The following RSF1 variants were observed in gnomAD, a reference collection of about 807,000 sequenced individuals.
RSF1 encodes remodeling and spacing factor 1.
A neutral mutation model predicts 145.2 loss-of-function variants in RSF1; 13 were observed. That is an observed-to-expected ratio of 0.09 (90% CI 0.06 to 0.14). RSF1 has a LOEUF of 0.14. Ranked by LOEUF, RSF1 falls within the 10% of genes least tolerant of loss-of-function variation. RSF1 has a pLI of 1.00. For missense variants in RSF1, 1,517 were observed against 1,718.2 expected, an observed-to-expected ratio of 0.88 and a Z score of 2.07; for synonymous variants, 577 against 592.6, an observed-to-expected ratio of 0.97 and a Z score of 0.38.
chr11:77,789,319 G>A (rs1352306486), intron 1 of RSF1, among the ~76,000 whole-genome samples: 2 of 152,174 alleles, frequency 1.3e-5, no homozygotes, highest in Non-Finnish European at 2.9e-5. Flanking sequence ...CTTGTCCTGG[G>A]TTCCACAGAT....
intron 1 of RSF1, among the ~76,000 whole-genome samples, chr11:77,792,737 G>GAA (rs35297116): frequency 9.2e-5 from 12 of 129,924 alleles, no homozygotes; most frequent in Non-Finnish European, 8.2e-5. Context: ...TCAAAGGTCT[G>GAA]AAAAAAAAAA....
At chr11:77,808,258 C>T (rs1382383132) in intron 1 of RSF1, among the ~76,000 whole-genome samples, 1 of 151,824 alleles carries the variant, frequency 6.6e-6, no homozygotes, top group Non-Finnish European at 1.5e-5. Context: ...CACTTGAACC[C>T]AAGGTGGAGG....
intron 1 of RSF1, among the ~76,000 whole-genome samples, chr11:77,812,692 A>G (rs1414090764): frequency 6.6e-6 from 1 of 152,140 alleles, no homozygotes; most frequent in Non-Finnish European, 1.5e-5. Flanking sequence ...TTTTGAGACC[A>G]GCCTGGCCAA....
chr11:77,767,741 T>C lies in RSF1; in HGVS notation c.188-3052A>G, dbSNP rs185657239. Among the ~76,000 whole-genome samples the C allele has an allele frequency of 2.9e-3, 446 of 152,352 alleles. 2 individuals are homozygous for C. The highest frequency in any genetic ancestry group is 0.01 in the African/African-American group (428 of 41,584). Reference sequence around the variant, plus strand: ...ACCTTTTTGTCCCTGGAACACCCACTGTATTCATACTGTCTGTATCACTCA... The same window carrying C: ...ACCTTTTTGTCCCTGGAACACCCACCGTATTCATACTGTCTGTATCACTCA... On this transcript the variant is annotated intron_variant, in intron 1 of 15. Coordinates refer to ENST00000308488, the MANE Select transcript of RSF1 (RefSeq NM_016578.4).
chr11:77,671,160 TATATA>T (rs1565142940), intron 15 of RSF1, among the ~76,000 whole-genome samples: 2 of 79,842 alleles, frequency 2.5e-5, no homozygotes, highest in African/African-American at 1.4e-4. Flanking sequence ...TATATATATA[TATATA>T]TATATATATA....
Position 77,700,793 on chromosome 11 carries a change from T to C in RSF1, c.2436A>G (p.Thr812=), listed in dbSNP as rs143967560. Residue 812 remains threonine (T), a synonymous_variant, in exon 6 of 16, where the codon ACA becomes ACG. Transcript: ENST00000308488. ...EGEDEVEEES[T]ALQKTDKKEI... ...CCTTTTTGTCAGTTTTTTGCAAAGC[T>C]GTTGACTCTTCTTCCACCTCATCTT... 48 of 1,609,764 alleles carry C rather than the reference T, an allele frequency of 3.0e-5. No individual in the cohort carries two copies. The East Asian group carries it at 1.0e-3, about 34-fold the overall frequency.
the RSF1 span, among the ~76,000 whole-genome samples, chr11:77,853,948 TAAAC>T: frequency 1.3e-5 from 2 of 149,716 alleles, no homozygotes; most frequent in African/African-American, 2.5e-5. Flanking sequence ...CTCAAAAAAA[TAAAC>T]AAATAAATAC....
Position 77,667,248 on chromosome 11 carries a change from G to A in RSF1, c.3995C>T (p.Ser1332Leu). ...GGGCTTCTTGGTGCTCTCTTGTTCT[G>A]AGGGCAGGACCCTAGGCTGGCTGTC... ...ARDSQPRVLP[S>L]EQESTKKPYR... Residue 1332 changes from serine to leucine, a missense_variant, in exon 16 of 16, where the codon TCA becomes TTA. By Grantham distance (145) the Ser-to-Leu change is moderately radical. This residue lies in a region of RSF1 where 240 missense variants were observed against 231.8 expected (regional missense o/e 1.04). Transcript: ENST00000308488. The A allele has an allele frequency of 6.2e-7, 1 of 1,614,158 alleles. No individual in the cohort carries two copies. The highest frequency in any genetic ancestry group is 8.5e-7 in the Non-Finnish European group (1 of 1,180,018).
chr11:77,828,574 G>C, the RSF1 span, among the ~76,000 whole-genome samples: 1 of 151,616 alleles, frequency 6.6e-6, no homozygotes, highest in Non-Finnish European at 1.5e-5. Context: ...GGGAGGCTGC[G>C]GCGGAAGAAT....
intron 1 of RSF1, among the ~76,000 whole-genome samples, chr11:77,799,199 TA>T (rs1196086152): frequency 6.6e-6 from 1 of 151,604 alleles, no homozygotes; most frequent in African/African-American, 2.4e-5. Context: ...TAATAAAGAC[TA>T]AAAATAAATT....
chr11:77,737,498 C>T (rs948162169), intron 4 of RSF1, among the ~76,000 whole-genome samples: 7 of 142,590 alleles, frequency 4.9e-5, no homozygotes, highest in African/African-American at 1.9e-4. Flanking sequence ...AACAAAAAAA[C>T]GGAAAACTGC....
At chr11:77,830,962 G>A in the RSF1 span, among the ~76,000 whole-genome samples, 8 of 136,474 alleles carry the variant, frequency 5.9e-5, no homozygotes, top group East Asian at 2.1e-4. Context: ...GAAACATGGC[G>A]AGACCCTGTC....
chr11:77,804,261 A>G (rs917378015), intron 1 of RSF1, among the ~76,000 whole-genome samples: 3 of 152,162 alleles, frequency 2.0e-5, no homozygotes, highest in African/African-American at 4.8e-5. Context: ...TAATAAAGCC[A>G]TAACTGTAAA....
In RSF1 at chr11:77,813,349, A is replaced by C; in HGVS notation, c.187+7179T>G. 3 of 924,028 alleles carry C rather than the reference A, an allele frequency of 3.2e-6. No homozygotes were observed. In the Admixed American group the frequency reaches 5.1e-5, roughly 16 times the overall value. 57.2% of individuals were successfully genotyped at this position (924,028 alleles called of 1,614,324 possible). ...CATCTGCAATGGTGACTTTCACCTC[A>C]ACTCCCGGCTCAAACTGATGGAAGC... On this transcript the variant is annotated intron_variant, in intron 1 of 15. Coordinates refer to ENST00000308488, the MANE Select transcript of RSF1 (RefSeq NM_016578.4).
chr11:77,692,337 T>C (rs1446792680), intron 8 of RSF1, among the ~76,000 whole-genome samples: 8 of 92,600 alleles, frequency 8.6e-5, no homozygotes, highest in Non-Finnish European at 1.2e-4. Context: ...CTCCGCCTCC[T>C]GGGTTCACGC....
chr11:77,734,349 A>T (rs1289700500), intron 4 of RSF1: 51 of 631,268 alleles, frequency 8.1e-5, no homozygotes, highest in Admixed American at 4.9e-4. Context: ...GGAATGGCAC[A>T]AATCAAAGAA....
the RSF1 span, among the ~76,000 whole-genome samples, chr11:77,855,064 T>C: frequency 1.3e-5 from 2 of 152,116 alleles, no homozygotes; most frequent in Admixed American, 6.5e-5. Context: ...CTTTTAACCA[T>C]AGCTAGAGCT....
chr11:77,824,011 C>T (rs916140358), upstream of RSF1, among the ~76,000 whole-genome samples: 2 of 152,104 alleles, frequency 1.3e-5, no homozygotes. Context: ...GAGTTTCTGC[C>T]TTTTCTAATC....
intron 2 of RSF1, chr11:77,762,009 A>ATTATTTTATT (rs1231278318): frequency 1.1e-5 from 1 of 87,980 alleles, no homozygotes; most frequent in Non-Finnish European, 2.2e-5. Flanking sequence ...TATTTTTTGT[A>ATTATTTTATT]TTATTTTCTT....
Sources: allele counts gnomAD v4.1 joint callset (sites outside exome capture counted in the v4.1 genomes callset), GRCh38; gene constraint gnomAD v4.1.1; regional missense constraint gnomAD v4.1.1; transcripts MANE v1.5; gene names NCBI Gene and HGNC (gene_info 2026-07-23, HGNC 2026-07-21).